Variants in ACR observed in about 807,000 individuals in gnomAD.
ACR encodes the protein acrosin light and heavy chain prepropeptide.
A neutral mutation model predicts 26.0 loss-of-function variants in ACR; 17 were observed. That is an observed-to-expected ratio of 0.65 (90% CI 0.45 to 0.98). The LOEUF (loss-of-function observed/expected upper bound fraction) is 0.98. ACR is among the 50% of genes least tolerant of loss of function. The probability of loss-of-function intolerance (pLI) is 0.00; values close to 1 mark genes in which losing one functional copy is unlikely to be tolerated. For missense variants in ACR, 435 were observed against 519.3 expected (o/e 0.84, Z 1.58); for synonymous variants, 199 against 207.7 (o/e 0.96, Z 0.36).
rs2083412389 is a variant in ACR, at chr22:50,739,188, G to A, written c.78-83G>A. On this transcript the variant is annotated intron_variant, in intron 1 of 4. Coordinates refer to ENST00000216139, the MANE Select transcript of ACR (RefSeq NM_001097.3). This position sits in a 1 kb window ranked among gnomAD's most constrained non-coding sequence, Gnocchi z 5.5. ...TCTTCCCCACTTTTCCCAACCCCAT[G>A]TCCCTGCCTCCCCTCAGTTGTGGAG... 7.7e-7 allele frequency: 1 copy of A among 1,305,654 alleles called. No homozygotes were observed. Among genetic ancestry groups the A allele is most frequent in the Admixed American group, 2.0e-5 (1 of 49,258 alleles). The allele number at this position is 1,305,654 out of a possible 1,614,324, so 80.9% of individuals were successfully genotyped here. A position where few individuals can be genotyped will look rare whatever the true frequency, so the allele number is the denominator to read the frequency against.
chr22:50,739,904 C>G lies in ACR; in HGVS notation c.492C>G (p.Pro164=), dbSNP rs1184580239. The change falls in exon 3 of 5, where the codon CCC becomes CCG. Residue 164 remains proline, a synonymous_variant. Coordinates refer to ENST00000216139, the MANE Select transcript of ACR (RefSeq NM_001097.3). This position sits in a 1 kb window ranked among gnomAD's most constrained non-coding sequence, Gnocchi z 5.5. Reference sequence around the variant, plus strand: ...GCTTCATTGGGCCGGGCTGCCTGCCCCACTTTAAGGCAGGCCTCCCCAGAG... The same window carrying G: ...GCTTCATTGGGCCGGGCTGCCTGCCGCACTTTAAGGCAGGCCTCCCCAGAG... ...CGRFIGPGCL[P]HFKAGLPRGS... is the part of the protein sequence containing the mutation. The G allele has an allele frequency of 1.2e-6, 2 of 1,613,702 alleles. No individual in the cohort carries two copies. Among genetic ancestry groups the G allele is most frequent in the Admixed American group, 3.3e-5 (2 of 59,984 alleles).
chr22:50,738,411 C>A, intron 1 of ACR, 99 bp downstream of exon 1: 1 of 1,218,382 alleles, frequency 8.2e-7, no homozygotes, highest in South Asian at 1.3e-5. Context: ...GGCTGCATCC[C>A]TAACCTGGAC....
Position 50,739,325 on chromosome 22 carries a change from C to T in ACR, c.132C>T (p.Val44=), listed in dbSNP as rs369405326. ...ACCCACAGGGTGGTGTCCGCATCGT[C>T]GGCGGGAAGGCTGCACAGCATGGGG... is the stretch of plus-strand genomic sequence containing the variant. The part of the protein sequence containing the change: ...RQNPQGGVRI[V]GGKAAQHGAW... Residue 44 remains valine, a synonymous_variant, in exon 2 of 5, where the codon GTC becomes GTT. Transcript: ENST00000216139. This position sits in a 1 kb window ranked among gnomAD's most constrained non-coding sequence, Gnocchi z 5.5. The T allele has an allele frequency of 1.7e-5, 28 of 1,607,836 alleles. No homozygotes were observed. Among genetic ancestry groups the T allele is most frequent in the Middle Eastern group, 1.6e-4 (1 of 6,072 alleles).
In ACR at chr22:50,739,341, C is replaced by A. The variant is rs1250556162; in HGVS notation, c.148C>A (p.Gln50Lys). ...GVRIVGGKAA[Q>K]HGAWPWMVSL... ...CCGCATCGTCGGCGGGAAGGCTGCACAGCATGGGGCCTGGCCCTGGATGGT... is the reference window on the plus strand; with the variant it reads ...CCGCATCGTCGGCGGGAAGGCTGCAAAGCATGGGGCCTGGCCCTGGATGGT... Residue 50 changes from glutamine (Q) to lysine (K), a missense_variant, in exon 2 of 5, where the codon CAG (glutamine) becomes AAG (lysine). Physicochemically the swap from Gln to Lys is moderately conservative, Grantham distance 53. Coordinates refer to ENST00000216139, the MANE Select transcript of ACR (RefSeq NM_001097.3). The surrounding 1 kb of genome is among the most constrained non-coding windows in gnomAD (Gnocchi z 5.5). The A allele has an allele frequency of 1.9e-6, 3 of 1,611,846 alleles. No homozygotes were observed. The highest frequency in any genetic ancestry group is 2.7e-5 in the African/African-American group (2 of 74,892).
chr22:50,743,591 C>T (rs1603447664), intron 3 of ACR: 1 of 165,964 alleles, frequency 6.0e-6, no homozygotes, highest in Middle Eastern at 2.9e-3. Flanking sequence ...CAGTGTGTCT[C>T]AGACTGGAGT....
Position 50,739,796 on chromosome 22 carries a change from C to A in ACR, c.384C>A (p.Ile128=), listed in dbSNP as rs143887109. The A allele has an allele frequency of 3.4e-4, 545 of 1,606,808 alleles. 3 individuals carry two copies. In the African/African-American group the frequency reaches 6.6e-3, roughly 19 times the overall value. Residue 128 remains isoleucine, a synonymous_variant, in exon 3 of 5, where the codon ATC becomes ATA. Transcript: ENST00000216139. This position sits in a 1 kb window ranked among gnomAD's most constrained non-coding sequence, Gnocchi z 5.5. ...APLQERYVEK[I]IIHEKYNSAT... The stretch of plus-strand genomic sequence containing the variant: ...TGCAAGAGAGATATGTGGAGAAAAT[C>A]ATCATTCATGAAAAATACAACTCTG...
intron 3 of ACR, 44 bp downstream of exon 3, chr22:50,740,021 C>A: frequency 6.2e-7 from 1 of 1,610,298 alleles, no homozygotes; most frequent in South Asian, 1.1e-5. Context: ...GCTGGCCATT[C>A]TCCTGGTGGT....
At chr22:50,742,543 CAA>C (rs71318831) in intron 3 of ACR, among the ~76,000 whole-genome samples, 20,237 of 132,194 alleles carry the variant, frequency 0.15, 1,620 homozygotes, top group African/African-American at 0.26. Context: ...GACTCCGTCT[CAA>C]AAAAAAAAAA....
At chr22:50,742,996 G>C (rs1433434203) in intron 3 of ACR, among the ~76,000 whole-genome samples, 1 of 152,118 alleles carries the variant, frequency 6.6e-6, no homozygotes, top group Non-Finnish European at 1.5e-5. Flanking sequence ...GTAGCATCGG[G>C]TCTTTCTAAC....
At chr22:50,743,070 C>G (rs542019493) in intron 3 of ACR, among the ~76,000 whole-genome samples, 4,021 of 151,994 alleles carry the variant, frequency 0.026, 66 homozygotes, top group Non-Finnish European at 0.041. Context: ...GAGTCTCGCT[C>G]TGTGGCCCGG....
chr22:50,744,203 C>A lies in ACR; in HGVS notation c.708C>A (p.Cys236Ter). 3.7e-6 allele frequency: 6 copies of A among 1,613,116 alleles called. No individual in the cohort carries two copies. The highest frequency in any genetic ancestry group is 5.1e-6 in the Non-Finnish European group (6 of 1,179,314). Residue 236 changes from cysteine to a stop codon, truncating the protein, a stop_gained, in exon 4 of 5, where the codon TGC (cysteine) becomes TGA (stop). Transcript: ENST00000216139. LOFTEE classifies it low-confidence loss of function (END_TRUNC). ...AGYPVGKIDT[C>*]QGDSGGPLMC... ...ATCCTGTAGGCAAGATCGACACCTGCCAGGTAACCTTCCTTCTGGCTTCTG... is the reference window on the plus strand; with the variant it reads ...ATCCTGTAGGCAAGATCGACACCTGACAGGTAACCTTCCTTCTGGCTTCTG...
At chr22:50,738,383 C>G (rs2083408256) in intron 1 of ACR, 71 bp downstream of exon 1, 1 of 1,484,300 alleles carries the variant, frequency 6.7e-7, no homozygotes, top group African/African-American at 1.4e-5. Flanking sequence ...TCCCTCTGTC[C>G]AGGGCTAGGG....
At position 50,739,636 on chromosome 22, in the gene ACR, C is replaced by T. The variant is rs1045521116; in HGVS notation, c.282-58C>T. 3 of 1,540,682 alleles carry T rather than the reference C, an allele frequency of 1.9e-6. No individual in the cohort carries two copies. The highest frequency in any genetic ancestry group is 2.3e-5 in the East Asian group (1 of 44,358). Reference sequence around the variant, plus strand: ...TTTGCTAGGGGAAGGCCCTGAGGGTCGCTGTCACCAGGCTTTTGTCCAGCC... The same window carrying T: ...TTTGCTAGGGGAAGGCCCTGAGGGTTGCTGTCACCAGGCTTTTGTCCAGCC... On this transcript the variant is annotated intron_variant, in intron 2 of 4. Coordinates refer to ENST00000216139, the MANE Select transcript of ACR (RefSeq NM_001097.3). This position sits in a 1 kb window ranked among gnomAD's most constrained non-coding sequence, Gnocchi z 5.5.
In ACR at chr22:50,739,209, T is replaced by G; in HGVS notation, c.78-62T>G. 1 of 1,432,874 alleles carries G rather than the reference T, an allele frequency of 7.0e-7. No homozygotes were observed. The highest frequency in any genetic ancestry group is 9.6e-7 in the Non-Finnish European group (1 of 1,043,558). 88.8% of individuals were successfully genotyped at this position (1,432,874 alleles called of 1,614,324 possible). A position where few individuals can be genotyped will look rare whatever the true frequency, so the allele number is the denominator to read the frequency against. ...CCATGTCCCTGCCTCCCCTCAGTTG[T>G]GGAGTTACAAGGACAGGCTGTGCTC... On this transcript the variant is annotated intron_variant, in intron 1 of 4. Transcript: ENST00000216139. This position sits in a 1 kb window ranked among gnomAD's most constrained non-coding sequence, Gnocchi z 5.5.
Position 50,744,055 on chromosome 22 carries a change from C to G in ACR, c.566-6C>G, listed in dbSNP as rs1603447676. On this transcript the variant is annotated splice_region_variant and splice_polypyrimidine_tract_variant and intron_variant, in intron 3 of 4. Transcript: ENST00000216139. Reference sequence around the variant, plus strand: ...GATCACTGACCACCGAGTGGTCTGACTATAGCCCCCAGGCCATCATCTATA... The same window carrying G: ...GATCACTGACCACCGAGTGGTCTGAGTATAGCCCCCAGGCCATCATCTATA... 6.3e-7 allele frequency: 1 copy of G among 1,580,884 alleles called. No homozygotes were observed. The highest frequency in any genetic ancestry group is 8.7e-7 in the Non-Finnish European group (1 of 1,151,018).
intron 3 of ACR, among the ~76,000 whole-genome samples, chr22:50,743,122 G>A (rs998441502): frequency 2.0e-5 from 3 of 151,198 alleles, no homozygotes; most frequent in African/African-American, 4.9e-5. Context: ...TGCAAGCTCC[G>A]CCTCCCGGGT....
rs751237730 is a variant in ACR, at chr22:50,744,056, T to A, written c.566-5T>A. ...ATCACTGACCACCGAGTGGTCTGACTATAGCCCCCAGGCCATCATCTATAC... is the reference window on the plus strand; with the variant it reads ...ATCACTGACCACCGAGTGGTCTGACAATAGCCCCCAGGCCATCATCTATAC... On this transcript the variant is annotated splice_region_variant and splice_polypyrimidine_tract_variant and intron_variant, in intron 3 of 4. Coordinates refer to ENST00000216139, the MANE Select transcript of ACR (RefSeq NM_001097.3). 6.3e-7 allele frequency: 1 copy of A among 1,583,442 alleles called. No homozygotes were observed. The highest frequency in any genetic ancestry group is 1.1e-5 in the South Asian group (1 of 90,706).
chr22:50,742,770 G>A (rs905492880), intron 3 of ACR, among the ~76,000 whole-genome samples: 29 of 152,194 alleles, frequency 1.9e-4, no homozygotes, highest in Non-Finnish European at 3.5e-4. Flanking sequence ...CCCTATGCAC[G>A]TCACTCGTGT....
At chr22:50,740,358 C>A (rs2083420005) in intron 3 of ACR, 2 of 580,654 alleles carry the variant, frequency 3.4e-6, no homozygotes, top group Non-Finnish European at 6.1e-6. Context: ...CTTCCACTCT[C>A]TGGGCCTTGG....
Sources: gnomAD v4.1 joint callset for allele counts (sites outside exome capture counted in the v4.1 genomes callset) on GRCh38, gnomAD v4.1.1 for gene constraint, Gnocchi (gnomAD v3.1) non-coding constraint, MANE v1.5 for transcripts, NCBI Gene and HGNC (gene_info 2026-07-23, HGNC 2026-07-21) for gene names.